Variants in ENKUR observed in about 807,000 individuals in gnomAD.
ENKUR encodes the protein enkurin.
In ENKUR, 19 loss-of-function variants were observed where a neutral mutation model predicts 27.6. The ratio of observed to expected loss-of-function variants is 0.69; its 90% CI spans 0.48 to 1.01. The LOEUF (loss-of-function observed/expected upper bound fraction) is 1.01, where lower values mean the gene tolerates loss of function less well. Among genes scored for constraint, ENKUR ranks in the 50% least tolerant of loss-of-function variants. ENKUR has a pLI of 0.00. For missense variants in ENKUR, 312 were observed against 310.5 expected, an observed-to-expected ratio of 1.00 and a Z score of -0.04; for synonymous variants, 117 against 96.9, an observed-to-expected ratio of 1.21 and a Z score of -1.22.
At chr10:25,029,827 CAAGCAACTA>C (rs1304325558) in intron 2 of ENKUR, among the ~76,000 whole-genome samples, 1 of 152,142 alleles carries the variant, frequency 6.6e-6, no homozygotes, top group Admixed American at 6.5e-5. Flanking sequence ...ATGTCAAGTG[CAAGCAACTA>C]AATCACCATA....
At chr10:24,999,021 T>A (rs766244588) in intron 2 of ENKUR, among the ~76,000 whole-genome samples, 1 of 152,256 alleles carries the variant, frequency 6.6e-6, no homozygotes, top group East Asian at 1.9e-4. Flanking sequence ...GTAATTTTCA[T>A]CTCTTGGAGA....
intron 2 of ENKUR, among the ~76,000 whole-genome samples, chr10:25,040,165 T>C (rs1028199078): frequency 1.3e-5 from 2 of 151,986 alleles, no homozygotes; most frequent in African/African-American, 4.8e-5. Context: ...GCTTAAGGTA[T>C]AGGCTCAAAA....
intron 2 of ENKUR, chr10:25,025,360 A>C: frequency 6.2e-7 from 1 of 1,614,236 alleles, no homozygotes; most frequent in Non-Finnish European, 8.5e-7. Context: ...AGAGAGAACA[A>C]AACAGCAAGA....
At chr10:24,998,770 T>C (rs932001746) in intron 2 of ENKUR, among the ~76,000 whole-genome samples, 1 of 152,106 alleles carries the variant, frequency 6.6e-6, no homozygotes. Context: ...TATATAATTT[T>C]TGAGGCCCAG....
At chr10:25,054,488 T>TC (rs1210901597) in intron 2 of ENKUR, among the ~76,000 whole-genome samples, 2 of 120,610 alleles carry the variant, frequency 1.7e-5, no homozygotes, top group African/African-American at 5.9e-5. Context: ...TTTCTTTCTT[T>TC]CTTTCTTTCT....
Position 25,010,378 on chromosome 10 carries a change from A to G in ENKUR, c.77+5482T>C, listed in dbSNP as rs563399437. On this transcript the variant is annotated intron_variant, in intron 1 of 5. Transcript: ENST00000331161. The stretch of plus-strand genomic sequence containing the variant: ...GGCAAAACATTCAAGAGGTGACTTG[A>G]GTAGTGTTAAAAGCATTCAGTTTTA... Among the ~76,000 whole-genome samples, 11 of 152,278 alleles carry G rather than the reference A, an allele frequency of 7.2e-5. No individual in the cohort carries two copies. The East Asian group carries it at 1.7e-3, about 24-fold the overall frequency.
intron 2 of ENKUR, among the ~76,000 whole-genome samples, chr10:25,046,707 T>C (rs893542154): frequency 4.6e-5 from 7 of 152,230 alleles, no homozygotes; most frequent in African/African-American, 1.4e-4. Context: ...GGCCCTTTCA[T>C]AGAATGAGCC....
At chr10:24,999,675 A>G (rs911921578) in intron 1 of ENKUR, 129 bp from the exon 2 acceptor site, 6 of 847,666 alleles carry the variant, frequency 7.1e-6, no homozygotes, top group Non-Finnish European at 1.1e-5. Flanking sequence ...CATAATCATA[A>G]AACATACTTA....
intron 1 of ENKUR, among the ~76,000 whole-genome samples, chr10:25,012,256 G>C (rs954078266): frequency 6.6e-6 from 1 of 152,238 alleles, no homozygotes; most frequent in African/African-American, 2.4e-5. Flanking sequence ...GAGAACCTCT[G>C]CTAGGGCAGT....
Position 24,990,393 on chromosome 10 carries a change from G to A in ENKUR, c.594+70C>T. ...CCAAGTGCTGACTTTAATCATCAAA[G>A]TGATGGTACACCTTTCTTTCAGAGA... On this transcript the variant is annotated intron_variant, in intron 4 of 5. Coordinates refer to ENST00000331161, the MANE Select transcript of ENKUR (RefSeq NM_145010.4). The A allele has an allele frequency of 5.9e-6, 9 of 1,521,910 alleles. No individual in the cohort carries two copies. In the Middle Eastern group the frequency reaches 5.3e-4, roughly 89 times the overall value. 94.3% of individuals were successfully genotyped at this position (1,521,910 alleles called of 1,614,324 possible).
intron 2 of ENKUR, among the ~76,000 whole-genome samples, chr10:25,054,497 CTTTCTTTCTTTCTTTCCTTT>C (rs1173195906): frequency 1.3e-4 from 18 of 140,240 alleles, no homozygotes; most frequent in Non-Finnish European, 2.2e-4. Context: ...TTCTTTCTTT[CTTTCTTTCTTTCTTTCCTTT>C]CTTTCTTTCT....
intron 2 of ENKUR, among the ~76,000 whole-genome samples, chr10:25,039,655 C>T (rs1055090569): frequency 6.6e-6 from 1 of 152,098 alleles, no homozygotes; most frequent in African/African-American, 2.4e-5. Context: ...GCAGTGCATA[C>T]CTTGTTAAGA....
chr10:25,000,299 G>A (rs568962365), intron 1 of ENKUR, among the ~76,000 whole-genome samples: 7 of 152,056 alleles, frequency 4.6e-5, no homozygotes, highest in Admixed American at 1.3e-4. Flanking sequence ...ATGTTGTGCC[G>A]CTGTTGGCTG....
chr10:25,002,322 T>A (rs1237643243), intron 1 of ENKUR, among the ~76,000 whole-genome samples: 1 of 152,202 alleles, frequency 6.6e-6, no homozygotes, highest in Non-Finnish European at 1.5e-5. Context: ...ATTTCCACAG[T>A]CCTCTCTCTA....
At chr10:25,049,822 A>T (rs72780387) in intron 2 of ENKUR, among the ~76,000 whole-genome samples, 2,250 of 147,098 alleles carry the variant, frequency 0.015, 31 homozygotes, top group Non-Finnish European at 0.023. Flanking sequence ...ATTAAAATTT[A>T]AAAAAAAAAA....
chr10:24,984,668 G>GT (rs1461506531), intron 5 of ENKUR, 68 bp downstream of exon 5: 22 of 1,441,720 alleles, frequency 1.5e-5, no homozygotes, highest in Admixed American at 2.5e-5. Context: ...AAAACTTGGA[G>GT]TTTTTTATAT....
At chr10:25,035,093 A>G (rs1850992175) in intron 2 of ENKUR, among the ~76,000 whole-genome samples, 1 of 152,214 alleles carries the variant, frequency 6.6e-6, no homozygotes, top group South Asian at 2.1e-4. Flanking sequence ...TAACTTTGAA[A>G]ACGGTTACAC....
At chr10:24,988,812 T>A (rs1394483137) in intron 4 of ENKUR, among the ~76,000 whole-genome samples, 1 of 151,036 alleles carries the variant, frequency 6.6e-6, no homozygotes, top group Non-Finnish European at 1.5e-5. Context: ...TTATGAAGAA[T>A]GAGCAGAATG....
At chr10:25,026,117 G>A (rs1437232079) in intron 2 of ENKUR, 1 of 158,158 alleles carries the variant, frequency 6.3e-6, no homozygotes, top group East Asian at 1.9e-4. Context: ...GACCTCAGGT[G>A]ATCCATCCAC....
Sources: allele counts gnomAD v4.1 joint callset (sites outside exome capture counted in the v4.1 genomes callset), GRCh38; gene constraint gnomAD v4.1.1; transcripts MANE v1.5; gene names NCBI Gene and HGNC (gene_info 2026-07-23, HGNC 2026-07-21).